Variants in BACH2 observed in about 807,000 individuals in gnomAD.
BACH2 encodes the protein transcription regulator protein BACH2.
In BACH2, 5 loss-of-function variants were observed where a neutral mutation model predicts 61.8. The ratio of observed to expected loss-of-function variants is 0.08; its 90% CI spans 0.04 to 0.17. The LOEUF is 0.17. BACH2 is among the 10% of genes least tolerant of loss of function. The probability of loss-of-function intolerance (pLI) is 1.00; values close to 1 mark genes in which losing one functional copy is unlikely to be tolerated. For synonymous variants in BACH2, 446 were observed against 440.1 expected, an observed-to-expected ratio of 1.01 and a Z score of -0.17; for missense variants, 824 against 1,091.1, an observed-to-expected ratio of 0.76 and a Z score of 3.45.
At chr6:90,255,600 C>T (rs752858703) in intron 2 of BACH2, among the ~76,000 whole-genome samples, 6 of 152,008 alleles carry the variant, frequency 3.9e-5, no homozygotes, top group African/African-American at 1.4e-4. Context: ...AGAAAACAGC[C>T]AACTTTAAGC....
At chr6:89,957,784 T>C (rs1417654467) in intron 6 of BACH2, among the ~76,000 whole-genome samples, 1 of 152,142 alleles carries the variant, frequency 6.6e-6, no homozygotes, top group Non-Finnish European at 1.5e-5. Flanking sequence ...AAGCAATCCG[T>C]CTATTTTGAC....
intron 5 of BACH2, among the ~76,000 whole-genome samples, chr6:90,024,375 T>C (rs1203302475): frequency 6.6e-6 from 1 of 152,190 alleles, no homozygotes; most frequent in Non-Finnish European, 1.5e-5. Context: ...TTTTCAGTAA[T>C]AATCTACAAA....
chr6:90,031,714 C>G (rs1367012137), intron 5 of BACH2, among the ~76,000 whole-genome samples: 1 of 152,138 alleles, frequency 6.6e-6, no homozygotes, highest in African/African-American at 2.4e-5. Context: ...AGGATATAAA[C>G]AAATGGAAGA....
intron 3 of BACH2, among the ~76,000 whole-genome samples, chr6:90,226,116 A>C (rs915870388): frequency 1.1e-4 from 17 of 152,170 alleles, no homozygotes; most frequent in African/African-American, 4.1e-4. Context: ...TGTTCTACAG[A>C]AAAAGGGGTG....
At chr6:90,129,157 A>G (rs1445652206) in intron 4 of BACH2, among the ~76,000 whole-genome samples, 2 of 152,130 alleles carry the variant, frequency 1.3e-5, no homozygotes, top group African/African-American at 2.4e-5. Context: ...AATATGGCAC[A>G]TGTATACATA....
At chr6:90,056,070 G>C (rs1780331287) in intron 5 of BACH2, among the ~76,000 whole-genome samples, 1 of 152,240 alleles carries the variant, frequency 6.6e-6, no homozygotes, top group Non-Finnish European at 1.5e-5. Flanking sequence ...CAACTAACCA[G>C]CAAAAGAACC....
At chr6:90,045,256 G>A (rs6926813) in intron 5 of BACH2, among the ~76,000 whole-genome samples, 46,936 of 152,064 alleles carry the variant, frequency 0.31, 7,827 homozygotes, top group East Asian at 0.68. Flanking sequence ...AAAGCAGACC[G>A]CATGACTCTG....
chr6:90,028,665 C>T (rs543106674), intron 5 of BACH2, among the ~76,000 whole-genome samples: 18 of 152,290 alleles, frequency 1.2e-4, no homozygotes, highest in Admixed American at 3.9e-4. Context: ...AAAACACAAA[C>T]GTGGGAAACA....
intron 1 of BACH2, among the ~76,000 whole-genome samples, chr6:90,277,946 T>A (rs1771746002): frequency 6.6e-6 from 1 of 152,230 alleles, no homozygotes; most frequent in Admixed American, 6.5e-5. Context: ...GTTACATGGT[T>A]CTACACAAAA....
intron 1 of BACH2, among the ~76,000 whole-genome samples, chr6:90,290,318 T>C (rs547124916): frequency 6.6e-6 from 1 of 152,356 alleles, no homozygotes; most frequent in African/African-American, 2.4e-5. Flanking sequence ...CAGTGGGTTA[T>C]CTGTTACTAA....
At chr6:90,009,455 C>T (rs1179375285) in intron 5 of BACH2, among the ~76,000 whole-genome samples, 3 of 152,216 alleles carry the variant, frequency 2.0e-5, no homozygotes, top group African/African-American at 4.8e-5. Context: ...TCTGCCACTT[C>T]AAGGCAAAGC....
chr6:90,060,086 T>C (rs1257985169), intron 5 of BACH2, among the ~76,000 whole-genome samples: 1 of 151,220 alleles, frequency 6.6e-6, no homozygotes, highest in Admixed American at 6.6e-5. Flanking sequence ...GTAACGAAGC[T>C]GCACGTCGTG....
At chr6:90,229,537 A>G (rs1444153400) in intron 3 of BACH2, among the ~76,000 whole-genome samples, 3 of 152,228 alleles carry the variant, frequency 2.0e-5, no homozygotes, top group African/African-American at 7.2e-5. Context: ...AGGAGATTCT[A>G]ATGTGCATCA....
intron 5 of BACH2, among the ~76,000 whole-genome samples, chr6:90,027,842 C>T (rs1778714021): frequency 6.6e-6 from 1 of 152,164 alleles, no homozygotes. Flanking sequence ...TTACAGTAAA[C>T]ACAAATAAAA....
intron 6 of BACH2, chr6:89,952,139 C>A (rs1040376377): frequency 2.8e-5 from 13 of 457,970 alleles, no homozygotes; most frequent in African/African-American, 2.4e-4. Context: ...TCAGTGTTTA[C>A]ACTAATGAAA....
At chr6:90,150,271 C>T (rs1054850959) in intron 4 of BACH2, among the ~76,000 whole-genome samples, 2 of 152,114 alleles carry the variant, frequency 1.3e-5, no homozygotes, top group South Asian at 2.1e-4. Flanking sequence ...CAACTGGTCT[C>T]CTTGTTTCAA....
intron 1 of BACH2, among the ~76,000 whole-genome samples, chr6:90,289,329 C>T (rs982964882): frequency 2.6e-5 from 4 of 152,174 alleles, no homozygotes; most frequent in African/African-American, 7.2e-5. Flanking sequence ...GACACCTATG[C>T]TGCGGCTTCT....
chr6:90,010,207 C>T (rs1777633746), intron 5 of BACH2, among the ~76,000 whole-genome samples: 1 of 152,044 alleles, frequency 6.6e-6, no homozygotes, highest in African/African-American at 2.4e-5. Flanking sequence ...TAAACAAATC[C>T]ATCATCACCA....
At position 89,948,750 on chromosome 6, in the gene BACH2, A is replaced by G. The variant is rs117231703; in HGVS notation, c.1836+1520T>C. ...CTTTCACTATTTTCGGGAAAGCTCA[A>G]TCTTCCCAATGTCAGGGACACAGAT... On this transcript the variant is annotated intron_variant, in intron 7 of 8. Transcript: ENST00000257749. Among the ~76,000 whole-genome samples, 38 of 152,282 alleles carry G rather than the reference A, an allele frequency of 2.5e-4. No homozygotes were observed. In the East Asian group the frequency reaches 5.6e-3, roughly 22 times the overall value.
Sources: allele counts gnomAD v4.1 joint callset (sites outside exome capture counted in the v4.1 genomes callset), GRCh38; gene constraint gnomAD v4.1.1; transcripts MANE v1.5; gene names NCBI Gene and HGNC (gene_info 2026-07-23, HGNC 2026-07-21).